RIBC2: variants seen among roughly 807,000 people sequenced by gnomAD.
RIBC2 encodes RIB43A-like with coiled-coils protein 2.
RIBC2 carries 40 observed loss-of-function variants against 44.3 expected under a neutral mutation model. That is an observed-to-expected ratio of 0.90 (90% CI 0.70 to 1.18). The LOEUF is 1.18. RIBC2 is among the 50% of genes most tolerant of loss of function. The pLI, the probability that RIBC2 is intolerant of heterozygous loss-of-function variation, is 0.00. For synonymous variants in RIBC2, 171 were observed against 175.0 expected (o/e 0.98, Z 0.18); for missense variants, 459 against 485.5 (o/e 0.95, Z 0.51).
At chr22:45,423,189 C>T (rs1298593513) in intron 4 of RIBC2, among the ~76,000 whole-genome samples, 1 of 151,998 alleles carries the variant, frequency 6.6e-6, no homozygotes, top group Non-Finnish European at 1.5e-5. Flanking sequence ...TGCCATGTTG[C>T]CCAGGCTGGT....
In RIBC2 at chr22:45,426,116, A is replaced by T; in HGVS notation, c.844A>T (p.Thr282Ser). ...GGTCCCTGACCGCTGGAAGGGCATG[A>T]CCCAGGAGCAGCTGGAGCAGATCCG... Reference protein sequence around the residue: ...RVVPDRWKGMTQEQLEQIRLV... With the variant: ...RVVPDRWKGMSQEQLEQIRLV... The change falls in exon 5 of 7, where the codon ACC becomes TCC. Residue 282 changes from threonine to serine, a missense_variant. Transcript: ENST00000614167. 6.2e-7 allele frequency: 1 copy of T among 1,614,008 alleles called. No homozygotes were observed.
chr22:45,422,715 C>T (rs2087498785), intron 4 of RIBC2, among the ~76,000 whole-genome samples: 1 of 152,242 alleles, frequency 6.6e-6, no homozygotes, highest in Non-Finnish European at 1.5e-5. Flanking sequence ...TCCACCTAGA[C>T]TGTTACCGCC....
intron 3 of RIBC2, among the ~76,000 whole-genome samples, chr22:45,421,808 C>G (rs1008767021): frequency 1.3e-5 from 2 of 151,896 alleles, no homozygotes; most frequent in Non-Finnish European, 2.9e-5. Context: ...CTTCCTCTTT[C>G]TCTTACTCAT....
In RIBC2 at chr22:45,422,312, G is replaced by T. The variant is rs763441845; in HGVS notation, c.579G>T (p.Arg193Ser). Reference protein sequence around the residue: ...KCAEALYTETRLQFDETAKHL... With the variant: ...KCAEALYTETSLQFDETAKHL... ...CAGAGGCCCTCTACACAGAGACAAG[G>T]CTGCAGTTTGACGAGACAGCCAAGC... is the stretch of plus-strand genomic sequence containing the variant. The change falls in exon 4 of 7, where the codon AGG becomes AGT. Residue 193 changes from arginine (R) to serine (S), a missense_variant. Arg to Ser is a moderately radical substitution (Grantham distance 110). Coordinates refer to ENST00000614167, the MANE Select transcript of RIBC2 (RefSeq NM_015653.5). The T allele has an allele frequency of 1.9e-6, 3 of 1,614,154 alleles. No individual in the cohort carries two copies. In the Admixed American group the frequency reaches 5.0e-5, roughly 27 times the overall value.
intron 3 of RIBC2, among the ~76,000 whole-genome samples, chr22:45,420,123 A>T (rs986966277): frequency 6.6e-6 from 1 of 152,126 alleles, no homozygotes; most frequent in South Asian, 2.1e-4. Flanking sequence ...TTTTTCAGAG[A>T]CCTACAACGC....
chr22:45,417,365 C>G (rs2087434867), intron 2 of RIBC2, among the ~76,000 whole-genome samples: 1 of 151,972 alleles, frequency 6.6e-6, no homozygotes, highest in Non-Finnish European at 1.5e-5. Context: ...ATTACTTTTG[C>G]AATCACTGAA....
intron 4 of RIBC2, among the ~76,000 whole-genome samples, chr22:45,423,018 A>G (rs2087501726): frequency 1.3e-5 from 2 of 151,786 alleles, no homozygotes; most frequent in Admixed American, 6.6e-5. Context: ...GTCTCACTCC[A>G]TCACCCAGGC....
intron 5 of RIBC2, among the ~76,000 whole-genome samples, chr22:45,430,547 C>A (rs1218210511): frequency 1.3e-5 from 2 of 152,206 alleles, no homozygotes; most frequent in African/African-American, 4.8e-5. Flanking sequence ...CTGACTGAGC[C>A]AGGGAGCCCC....
intron 4 of RIBC2, among the ~76,000 whole-genome samples, chr22:45,424,631 G>C (rs1276763283): frequency 1.3e-5 from 2 of 152,232 alleles, no homozygotes; most frequent in Non-Finnish European, 2.9e-5. Context: ...TTGGAGCCCA[G>C]GTCCTGGGAT....
chr22:45,417,466 T>C (rs1414086623), intron 2 of RIBC2, 136 bp from the exon 3 acceptor site: 1 of 630,964 alleles, frequency 1.6e-6, no homozygotes, highest in Non-Finnish European at 2.7e-6. Context: ...AGAAAGATGG[T>C]TGGAGGCCAG....
At chr22:45,420,429 A>G (rs536946885) in intron 3 of RIBC2, among the ~76,000 whole-genome samples, 30 of 152,046 alleles carry the variant, frequency 2.0e-4, no homozygotes, top group Non-Finnish European at 4.1e-4. Flanking sequence ...ATTTTTCTCC[A>G]TAGCCTTGAT....
chr22:45,417,955 A>G lies in RIBC2; in HGVS notation c.556+9A>G, dbSNP rs371498930. The G allele has an allele frequency of 7.7e-6, 12 of 1,568,172 alleles. No homozygotes were observed. In the African/African-American group the frequency reaches 8.3e-5, roughly 11 times the overall value. ...TGAACAAAAATGCGCAGGTAATGAA[A>G]CAGAAGAGACGAGCTGGTCTCAACG... On this transcript the variant is annotated intron_variant, in intron 3 of 6. Transcript: ENST00000614167.
intron 4 of RIBC2, among the ~76,000 whole-genome samples, chr22:45,424,050 AATTT>A (rs2087510963): frequency 6.6e-6 from 1 of 151,966 alleles, no homozygotes; most frequent in South Asian, 2.1e-4. Flanking sequence ...CTCATTCATC[AATTT>A]ATTCATTCAT....
intron 3 of RIBC2, 189 bp downstream of exon 3, chr22:45,418,135 A>G (rs990760781): frequency 1.5e-5 from 7 of 482,258 alleles, no homozygotes; most frequent in African/African-American, 1.4e-4. Flanking sequence ...CCCTGTGGGG[A>G]AAGAAAAGTC....
chr22:45,422,214 C>A, intron 3 of RIBC2, 76 bp from the exon 4 acceptor site: 1 of 1,006,218 alleles, frequency 9.9e-7, no homozygotes, highest in Non-Finnish European at 1.6e-6. Context: ...TGGTAGGAGG[C>A]AAAGGCACGA....
intron 4 of RIBC2, 68 bp downstream of exon 4, chr22:45,422,476 G>A: frequency 9.0e-7 from 1 of 1,105,548 alleles, no homozygotes; most frequent in East Asian, 2.4e-5. Flanking sequence ...GGCTTCCCAA[G>A]GCTCTCCGGC....
intron 2 of RIBC2, among the ~76,000 whole-genome samples, chr22:45,415,121 T>G (rs1191819768): frequency 6.7e-6 from 1 of 148,700 alleles, no homozygotes; most frequent in Non-Finnish European, 1.5e-5. Flanking sequence ...AGGCTAAAAC[T>G]AGAGGATCAC....
At chr22:45,431,158 G>T (rs930186653) in intron 6 of RIBC2, 92 bp downstream of exon 6, 1 of 1,410,792 alleles carries the variant, frequency 7.1e-7, no homozygotes. Context: ...GGCAGGAGGG[G>T]AAACACCCCG....
chr22:45,432,223 AAAG>A (rs2087586969), intron 6 of RIBC2, 58 bp from the exon 7 acceptor site: 12 of 935,080 alleles, frequency 1.3e-5, no homozygotes, highest in Non-Finnish European at 1.6e-5. Context: ...AAAAAAAAAA[AAAG>A]AAAGAATAGG....
Sources: allele counts gnomAD v4.1 joint callset (sites outside exome capture counted in the v4.1 genomes callset), GRCh38; gene constraint gnomAD v4.1.1; transcripts MANE v1.5; gene names NCBI Gene and HGNC (gene_info 2026-07-23, HGNC 2026-07-21).